The following SDK1 variants were observed in gnomAD, a reference collection of about 807,000 sequenced individuals.
SDK1 encodes the protein protein sidekick-1.
Under a neutral mutation model 245.5 loss-of-function variants are expected in SDK1, and 157 were observed. The ratio of observed to expected loss-of-function variants is 0.64; its 90% confidence interval spans 0.56 to 0.73. The LOEUF (loss-of-function observed/expected upper bound fraction) is 0.73. SDK1 is among the 30% of genes least tolerant of loss of function. The pLI is 0.00. For synonymous variants in SDK1, 1,647 were observed against 1,278.5 expected (o/e 1.29, Z -6.15); for missense variants, 3,583 against 3,002.3 (o/e 1.19, Z -4.52).
intron 1 of SDK1, among the ~76,000 whole-genome samples, chr7:3,617,441 A>G (rs1334240682): frequency 6.6e-6 from 1 of 152,248 alleles, no homozygotes; most frequent in Non-Finnish European, 1.5e-5. Context: ...GGATGAGCAA[A>G]GATGAGCATG....
intron 35 of SDK1, among the ~76,000 whole-genome samples, chr7:4,186,273 G>C (rs1782888772): frequency 6.6e-6 from 1 of 152,146 alleles, no homozygotes; most frequent in Non-Finnish European, 1.5e-5. Context: ...TCCTGGCACA[G>C]ACAAGCATGG....
intron 1 of SDK1, among the ~76,000 whole-genome samples, chr7:3,556,003 T>C (rs1161612037): frequency 1.3e-5 from 2 of 152,088 alleles, no homozygotes; most frequent in Non-Finnish European, 2.9e-5. Flanking sequence ...TGGAGAGCAG[T>C]TTGGAGGTTT....
At chr7:3,521,396 C>T (rs1782933953) in intron 1 of SDK1, among the ~76,000 whole-genome samples, 1 of 151,004 alleles carries the variant, frequency 6.6e-6, no homozygotes, top group Non-Finnish European at 1.5e-5. Flanking sequence ...CTTTTGGGGG[C>T]CACTCTGCCT....
At chr7:3,999,960 T>C (rs10239052) in intron 14 of SDK1, among the ~76,000 whole-genome samples, 52,286 of 151,916 alleles carry the variant, frequency 0.34, 10,348 homozygotes, top group African/African-American at 0.55. Flanking sequence ...TGCACAAAGC[T>C]GGGAGCTAGG....
chr7:4,101,234 C>T (rs549801177), intron 22 of SDK1, among the ~76,000 whole-genome samples: 8 of 152,006 alleles, frequency 5.3e-5, no homozygotes, highest in East Asian at 1.9e-4. Flanking sequence ...CTCCGCCTCC[C>T]GGGTTCACAC....
chr7:3,624,325 A>C (rs1432590427), intron 2 of SDK1, among the ~76,000 whole-genome samples: 1 of 152,086 alleles, frequency 6.6e-6, no homozygotes, highest in Non-Finnish European at 1.5e-5. Context: ...TCAGCCTCTC[A>C]AGTAGCTGGG....
At chr7:3,902,150 C>T (rs1470514340) in intron 5 of SDK1, among the ~76,000 whole-genome samples, 5 of 152,068 alleles carry the variant, frequency 3.3e-5, no homozygotes, top group Admixed American at 3.3e-4. Flanking sequence ...TTATTACTTC[C>T]TTGGTGTTCT....
chr7:3,739,204 C>T (rs1031193848), intron 4 of SDK1, among the ~76,000 whole-genome samples: 2 of 152,046 alleles, frequency 1.3e-5, no homozygotes, highest in African/African-American at 4.8e-5. Flanking sequence ...TAATTGTTTT[C>T]TTACTGCTTT....
chr7:3,413,822 CT>C (rs1441908014), intron 1 of SDK1, among the ~76,000 whole-genome samples: 1 of 152,172 alleles, frequency 6.6e-6, no homozygotes, highest in Non-Finnish European at 1.5e-5. Flanking sequence ...TCTGCCATCT[CT>C]ACAAAAAATT....
At chr7:3,677,974 A>G (rs1468991673) in intron 4 of SDK1, among the ~76,000 whole-genome samples, 1 of 152,242 alleles carries the variant, frequency 6.6e-6, no homozygotes, top group Non-Finnish European at 1.5e-5. Flanking sequence ...TTCCCCAGAG[A>G]AGATATACAA....
At chr7:3,735,133 C>G (rs980907432) in intron 4 of SDK1, among the ~76,000 whole-genome samples, 1 of 151,548 alleles carries the variant, frequency 6.6e-6, no homozygotes, top group African/African-American at 2.4e-5. Flanking sequence ...TACATAGCAG[C>G]TTGTTTCTTC....
intron 8 of SDK1, among the ~76,000 whole-genome samples, chr7:3,961,655 A>G (rs1201478081): frequency 6.6e-6 from 1 of 152,048 alleles, no homozygotes; most frequent in African/African-American, 2.4e-5. Context: ...AACCTAACAA[A>G]TTGCTCCTCT....
At chr7:3,785,187 C>T (rs901788373) in intron 4 of SDK1, among the ~76,000 whole-genome samples, 16 of 151,694 alleles carry the variant, frequency 1.1e-4, no homozygotes, top group African/African-American at 2.7e-4. Flanking sequence ...TAATGGTTAT[C>T]GAGGCTGGAG....
At chr7:3,743,086 A>G (rs1779521512) in intron 4 of SDK1, among the ~76,000 whole-genome samples, 1 of 152,188 alleles carries the variant, frequency 6.6e-6, no homozygotes, top group African/African-American at 2.4e-5. Flanking sequence ...GTGTGTCAGG[A>G]AAGGCTCTGT....
At position 3,744,366 on chromosome 7, in the gene SDK1, T is replaced by A. The variant is rs1038051103; in HGVS notation, c.714-77084T>A. Among the ~76,000 whole-genome samples, 14 of 152,200 alleles carry A rather than the reference T, an allele frequency of 9.2e-5. 1 individual carries two copies. The highest frequency in any genetic ancestry group is 8.5e-4 in the Admixed American group (13 of 15,284). Reference sequence around the variant, plus strand: ...TCTGTTCATTGTTTGTAATGTCTATTCTATTATAATATAAGCATCATTTTG... The same window carrying A: ...TCTGTTCATTGTTTGTAATGTCTATACTATTATAATATAAGCATCATTTTG... On this transcript the variant is annotated intron_variant, in intron 4 of 44. Transcript: ENST00000404826.
chr7:3,403,841 A>T (rs1469730973), intron 1 of SDK1, among the ~76,000 whole-genome samples: 3 of 65,028 alleles, frequency 4.6e-5, no homozygotes, highest in African/African-American at 3.0e-4. Flanking sequence ...ATATATATAT[A>T]TATATATATA....
intron 1 of SDK1, among the ~76,000 whole-genome samples, chr7:3,609,389 T>A (rs892366743): frequency 2.6e-5 from 4 of 152,030 alleles, no homozygotes; most frequent in African/African-American, 9.7e-5. Context: ...AGGGGAGAGC[T>A]GGGATTTTTC....
chr7:3,529,280 C>T (rs966100255), intron 1 of SDK1, among the ~76,000 whole-genome samples: 1 of 152,108 alleles, frequency 6.6e-6, no homozygotes, highest in African/African-American at 2.4e-5. Flanking sequence ...TTGCCAACTG[C>T]CTAGATTCTG....
chr7:3,975,945 T>TGAGGATGC (rs1782915960), intron 13 of SDK1, among the ~76,000 whole-genome samples: 1 of 138,536 alleles, frequency 7.2e-6, no homozygotes, highest in Admixed American at 7.3e-5. Flanking sequence ...GTCCCGGGGC[T>TGAGGATGC]GAGGCTGCCA....
Sources: gnomAD v4.1 joint callset for allele counts (sites outside exome capture counted in the v4.1 genomes callset) on GRCh38, gnomAD v4.1.1 for gene constraint, MANE v1.5 for transcripts, NCBI Gene and HGNC (gene_info 2026-07-23, HGNC 2026-07-21) for gene names.